Variants in LPP observed in about 807,000 individuals in gnomAD.
LPP encodes lipoma-preferred partner.
Under a neutral mutation model 60.4 loss-of-function variants are expected in LPP, and 38 were observed. The observed-to-expected ratio is 0.63, with a 90% CI of 0.49 to 0.83. The LOEUF (loss-of-function observed/expected upper bound fraction) is 0.83, where lower values mean the gene tolerates loss of function less well. Ranked by LOEUF, LPP falls within the 40% of genes least tolerant of loss-of-function variation. The pLI is 0.00. For synonymous variants in LPP, 328 were observed against 290.8 expected, an observed-to-expected ratio of 1.13 and a Z score of -1.30; for missense variants, 902 against 783.6, an observed-to-expected ratio of 1.15 and a Z score of -1.80.
At chr3:188,306,207 A>G (rs1230937972) in intron 2 of LPP, among the ~76,000 whole-genome samples, 1 of 151,404 alleles carries the variant, frequency 6.6e-6, no homozygotes, top group Non-Finnish European at 1.5e-5. Flanking sequence ...CAGCCTCCCA[A>G]GTAGCTGGGA....
intron 4 of LPP, among the ~76,000 whole-genome samples, chr3:188,420,959 G>A (rs560846220): frequency 6.6e-6 from 1 of 152,282 alleles, no homozygotes; most frequent in East Asian, 1.9e-4. Flanking sequence ...AGCTGTGCAT[G>A]TGTAAGGCAG....
chr3:188,239,395 A>G (rs1577467580), intron 2 of LPP, among the ~76,000 whole-genome samples: 1 of 152,370 alleles, frequency 6.6e-6, no homozygotes, highest in Admixed American at 6.5e-5. Context: ...AAATAGAAAC[A>G]TGAGTATTAT....
chr3:188,411,973 GTC>G (rs56025983), intron 4 of LPP, among the ~76,000 whole-genome samples: 5,326 of 149,778 alleles, frequency 0.036, 127 homozygotes, highest in African/African-American at 0.07. Context: ...CTCTTTCTCT[GTC>G]TCTCTCTCTC....
intron 2 of LPP, among the ~76,000 whole-genome samples, chr3:188,255,149 A>G (rs1347121195): frequency 6.6e-6 from 1 of 152,274 alleles, no homozygotes; most frequent in African/African-American, 2.4e-5. Flanking sequence ...GACCTTATCC[A>G]CTGTGTGGAT....
chr3:188,744,810 A>G (rs1175248985), intron 8 of LPP, among the ~76,000 whole-genome samples: 1 of 152,086 alleles, frequency 6.6e-6, no homozygotes, highest in African/African-American at 2.4e-5. Context: ...CTTCCTGCCT[A>G]TAAAACACAT....
intron 1 of LPP, among the ~76,000 whole-genome samples, chr3:188,193,640 G>A (rs2149019514): frequency 6.6e-6 from 1 of 152,292 alleles, no homozygotes; most frequent in Non-Finnish European, 1.5e-5. Context: ...AGGGTGACAT[G>A]TTCACATGTG....
chr3:188,671,116 C>T (rs571371586), intron 7 of LPP, among the ~76,000 whole-genome samples: 6 of 152,316 alleles, frequency 3.9e-5, no homozygotes, highest in Admixed American at 6.5e-5. Context: ...TCAAGTACTA[C>T]GCAGCTGAAA....
chr3:188,848,955 ACT>A (rs1021446834), intron 9 of LPP, among the ~76,000 whole-genome samples: 1 of 147,310 alleles, frequency 6.8e-6, no homozygotes, highest in African/African-American at 2.5e-5. Flanking sequence ...ACAGAACGAG[ACT>A]CTGTCTCAAA....
At position 188,318,758 on chromosome 3, in the gene LPP, T is replaced by G. The variant is rs1269787323; in HGVS notation, c.-66-22905T>G. ...ATTGAAAAAAAATTATGATTCTTTT[T>G]TTTTTTTTTTTTTTTTTTGAGACGG... On this transcript the variant is annotated intron_variant, in intron 2 of 11. Coordinates refer to ENST00000617246, the MANE Select transcript of LPP (RefSeq NM_001375462.1). 1.5e-4 allele frequency among the ~76,000 whole-genome samples: 15 copies of G among 100,728 alleles called. No homozygotes were observed. In the Admixed American group the frequency reaches 1.8e-3, roughly 12 times the overall value. 66.1% of individuals were successfully genotyped at this position (100,728 alleles called of 152,430 possible). A position where few individuals can be genotyped will look rare whatever the true frequency, so the allele number is the denominator to read the frequency against.
intron 9 of LPP, among the ~76,000 whole-genome samples, chr3:188,853,261 G>A (rs1763088627): frequency 6.6e-6 from 1 of 152,224 alleles, no homozygotes; most frequent in African/African-American, 2.4e-5. Context: ...GTGGTGGACT[G>A]TTAGTATCAC....
At chr3:188,689,462 T>C (rs1240119595) in intron 7 of LPP, among the ~76,000 whole-genome samples, 3 of 152,244 alleles carry the variant, frequency 2.0e-5, no homozygotes, top group Admixed American at 6.5e-5. Context: ...ATGGAGTCCT[T>C]CTCACAGTGG....
chr3:188,786,621 A>C (rs1410704823), intron 9 of LPP, among the ~76,000 whole-genome samples: 1 of 152,146 alleles, frequency 6.6e-6, no homozygotes, highest in Non-Finnish European at 1.5e-5. Flanking sequence ...CAGGGAAATG[A>C]ACAAATCAAA....
chr3:188,866,111 C>A, intron 9 of LPP, 89 bp from the exon 10 acceptor site: 1 of 1,106,514 alleles, frequency 9.0e-7, no homozygotes. Context: ...TGATAAGGAC[C>A]TGAGACAATC....
chr3:188,376,889 A>G lies in LPP; in HGVS notation c.-9-29223A>G, dbSNP rs147936345. Among the ~76,000 whole-genome samples, 167 of 152,326 alleles carry G rather than the reference A, an allele frequency of 1.1e-3. 2 individuals carry two copies. The East Asian group carries it at 0.027, about 25-fold the overall frequency. On this transcript the variant is annotated intron_variant, in intron 3 of 11. Coordinates refer to ENST00000617246, the MANE Select transcript of LPP (RefSeq NM_001375462.1). Reference sequence around the variant, plus strand: ...TAGTGCTTTCTTCAGGAGCTCTTGTAAGGCAGGCCTGGTAGTGACAAAATC... The same window carrying G: ...TAGTGCTTTCTTCAGGAGCTCTTGTGAGGCAGGCCTGGTAGTGACAAAATC...
At chr3:188,231,677 G>T (rs570131598) in intron 2 of LPP, among the ~76,000 whole-genome samples, 50 of 151,776 alleles carry the variant, frequency 3.3e-4, no homozygotes, top group Non-Finnish European at 6.5e-4. Context: ...ACCATCTGCA[G>T]CTCCTCTCTG....
intron 9 of LPP, among the ~76,000 whole-genome samples, chr3:188,775,154 G>A (rs62291347): frequency 0.21 from 32,137 of 151,176 alleles, 3,867 homozygotes; most frequent in Middle Eastern, 0.28. Flanking sequence ...CCAGATTCAA[G>A]CGATTCTCCT....
intron 4 of LPP, among the ~76,000 whole-genome samples, chr3:188,482,741 A>G (rs1805170487): frequency 1.3e-5 from 2 of 152,372 alleles, no homozygotes; most frequent in Admixed American, 1.3e-4. Context: ...AAGGATATGT[A>G]CAAATTATTT....
intron 7 of LPP, among the ~76,000 whole-genome samples, chr3:188,652,173 G>C (rs1226071183): frequency 6.6e-6 from 1 of 152,118 alleles, no homozygotes; most frequent in African/African-American, 2.4e-5. Flanking sequence ...GGAGCAACCT[G>C]CCTTATTCCA....
intron 6 of LPP, among the ~76,000 whole-genome samples, chr3:188,569,953 T>C (rs7631148): frequency 0.32 from 47,887 of 151,650 alleles, 7,859 homozygotes; most frequent in Middle Eastern, 0.37. Flanking sequence ...ATTCTCACTC[T>C]AACCCTAGAT....
Sources: gnomAD v4.1 joint callset for allele counts (sites outside exome capture counted in the v4.1 genomes callset) on GRCh38, gnomAD v4.1.1 for gene constraint, MANE v1.5 for transcripts, NCBI Gene and HGNC (gene_info 2026-07-23, HGNC 2026-07-21) for gene names.